The following DISC1 variants were observed in gnomAD, a reference collection of about 807,000 sequenced individuals.
DISC1 encodes DISC1 scaffold protein.
Under a neutral mutation model 84.5 loss-of-function variants are expected in DISC1, and 57 were observed. That is an observed-to-expected ratio of 0.67 (90% CI 0.55 to 0.84). DISC1 has a LOEUF of 0.84. Among genes scored for constraint, DISC1 ranks in the 40% least tolerant of loss-of-function variants. The probability of loss-of-function intolerance (pLI) is 0.00; values close to 1 mark genes in which losing one functional copy is unlikely to be tolerated. For synonymous variants in DISC1, 411 were observed against 415.2 expected (o/e 0.99, Z 0.12); for missense variants, 1,000 against 1,057.8 (o/e 0.95, Z 0.76).
Position 231,954,699 on chromosome 1 carries a change from A to C in DISC1, c.1982-4129A>C, listed in dbSNP as rs775364372. 1.3e-5 allele frequency among the ~76,000 whole-genome samples: 2 copies of C among 152,206 alleles called. No homozygotes were observed. Among genetic ancestry groups the C allele is most frequent in the Non-Finnish European group, 2.9e-5 (2 of 68,040 alleles). On this transcript the variant is annotated intron_variant, in intron 9 of 12. Transcript: ENST00000439617. The surrounding 1 kb of genome is among the most constrained non-coding windows in gnomAD (Gnocchi z 4.8). ...CTAAAATGGTAGGGAAGAAAGGAAGAGGAGGGGAGTAAGAAGAGAGGAAAA... is the reference window on the plus strand; with the variant it reads ...CTAAAATGGTAGGGAAGAAAGGAAGCGGAGGGGAGTAAGAAGAGAGGAAAA...
At position 231,802,942 on chromosome 1, in the gene DISC1, G is replaced by A. The variant is rs1284235115; in HGVS notation, c.1792+2732G>A. On this transcript the variant is annotated intron_variant, in intron 8 of 12. Coordinates refer to ENST00000439617, the MANE Select transcript of DISC1 (RefSeq NM_018662.3). ...TACCAAGTCCCAAAACCAATGCCTC[G>A]ATTTTAGGATTTTGTTACAATAGTA... is the stretch of plus-strand genomic sequence containing the variant. 4.6e-5 allele frequency among the ~76,000 whole-genome samples: 7 copies of A among 152,030 alleles called. No homozygotes were observed. The East Asian group carries it at 9.6e-4, about 21-fold the overall frequency.
intron 10 of DISC1, among the ~76,000 whole-genome samples, chr1:231,982,307 T>C (rs1165872424): frequency 6.6e-6 from 1 of 151,980 alleles, no homozygotes; most frequent in African/African-American, 2.4e-5. Flanking sequence ...GGGGATGATA[T>C]AGTGAATTCC....
intron 9 of DISC1, among the ~76,000 whole-genome samples, chr1:231,849,588 A>C (rs964840932): frequency 6.6e-6 from 1 of 151,868 alleles, no homozygotes; most frequent in African/African-American, 2.4e-5. Context: ...ATGTGTGTGT[A>C]TGTGTGCGTG....
At chr1:231,721,962 G>T (rs1286867980) in intron 3 of DISC1, among the ~76,000 whole-genome samples, 2 of 152,030 alleles carry the variant, frequency 1.3e-5, no homozygotes, top group Non-Finnish European at 2.9e-5. Flanking sequence ...GACCATCCTG[G>T]CTAACATGGT....
chr1:231,641,200 G>C (rs1005882302), intron 1 of DISC1, among the ~76,000 whole-genome samples: 1 of 152,222 alleles, frequency 6.6e-6, no homozygotes, highest in Non-Finnish European at 1.5e-5. Context: ...TGGGTTCTTG[G>C]TCTCACTGAC....
At chr1:231,998,486 T>G (rs1053936409) in intron 10 of DISC1, among the ~76,000 whole-genome samples, 8 of 152,126 alleles carry the variant, frequency 5.3e-5, no homozygotes, top group African/African-American at 1.9e-4. Flanking sequence ...AAAACAATGA[T>G]AGAGAGAACA....
intron 1 of DISC1, among the ~76,000 whole-genome samples, chr1:231,643,206 C>T (rs1572427573): frequency 6.6e-6 from 1 of 152,168 alleles, no homozygotes; most frequent in East Asian, 1.9e-4. Context: ...CCCTGGAACC[C>T]CGAAAGAGCC....
intron 1 of DISC1, among the ~76,000 whole-genome samples, chr1:231,673,756 G>A (rs116133168): frequency 1.8e-3 from 276 of 152,332 alleles, no homozygotes; most frequent in African/African-American, 6.2e-3. Context: ...CGACTGTGTC[G>A]TGTTTCTCTT....
In DISC1 at chr1:231,958,855, A is replaced by G. The variant is rs749146701; in HGVS notation, c.2009A>G (p.Lys670Arg). The change falls in exon 10 of 13, where the codon AAG (lysine) becomes AGG (arginine). Residue 670 changes from lysine to arginine, a missense_variant. Around this residue, in one of 3 missense-constraint regions of DISC1, gnomAD observed 397 missense variants for 377.5 expected, o/e 1.05. Transcript: ENST00000439617. ...ACAAGTGTGAAGGAAAATACTATGA[A>G]GTACATGGAAACACTTAAGAATAAA... Reference protein sequence around the residue: ...YETSVKENTMKYMETLKNKLC... With the variant: ...YETSVKENTMRYMETLKNKLC... The G allele has an allele frequency of 1.9e-6, 3 of 1,613,742 alleles. No individual in the cohort carries two copies. The Admixed American group carries it at 5.0e-5, about 27-fold the overall frequency.
chr1:232,033,894 C>T (rs1670280469), intron 12 of DISC1, among the ~76,000 whole-genome samples: 1 of 152,154 alleles, frequency 6.6e-6, no homozygotes, highest in Non-Finnish European at 1.5e-5. Flanking sequence ...ACTACTTTGT[C>T]CTCCTGAAGC....
intron 3 of DISC1, among the ~76,000 whole-genome samples, chr1:231,722,008 C>A (rs1380045643): frequency 6.6e-6 from 1 of 151,956 alleles, no homozygotes; most frequent in Admixed American, 6.6e-5. Flanking sequence ...AAAAAATTAG[C>A]CGGGTGTGGT....
intron 9 of DISC1, among the ~76,000 whole-genome samples, chr1:231,864,527 G>A (rs1301912803): frequency 6.6e-6 from 1 of 152,154 alleles, no homozygotes; most frequent in Non-Finnish European, 1.5e-5. Flanking sequence ...GCTGGGTGTG[G>A]TGGTGGGCGC....
At chr1:231,992,871 T>C (rs180821732) in intron 10 of DISC1, among the ~76,000 whole-genome samples, 1 of 152,326 alleles carries the variant, frequency 6.6e-6, no homozygotes, top group African/African-American at 2.4e-5. Flanking sequence ...GTTCTTATAG[T>C]GGATGACATC....
intron 3 of DISC1, among the ~76,000 whole-genome samples, chr1:231,746,653 C>G (rs2074016436): frequency 6.6e-6 from 1 of 152,102 alleles, no homozygotes. Flanking sequence ...AATAGCTATC[C>G]TAACTGGGGT....
chr1:231,724,084 T>C, intron 3 of DISC1: 2 of 932,044 alleles, frequency 2.1e-6, no homozygotes, highest in Non-Finnish European at 2.6e-6. Flanking sequence ...TAAATGGATA[T>C]TGTCACCTGC....
chr1:232,006,393 T>C (rs1667445409), intron 10 of DISC1, among the ~76,000 whole-genome samples: 1 of 151,842 alleles, frequency 6.6e-6, no homozygotes, highest in South Asian at 2.1e-4. Flanking sequence ...TGGTATCAGA[T>C]GGAGATGAGG....
chr1:231,942,979 G>A (rs983520723), intron 9 of DISC1, among the ~76,000 whole-genome samples: 3 of 152,236 alleles, frequency 2.0e-5, no homozygotes, highest in Non-Finnish European at 2.9e-5. Flanking sequence ...TAGCTAAGAA[G>A]GCTTGCCTTT....
intron 10 of DISC1, among the ~76,000 whole-genome samples, chr1:231,993,407 G>A (rs994216035): frequency 1.5e-4 from 22 of 151,484 alleles, no homozygotes; most frequent in Admixed American, 6.0e-4. Context: ...AATATTTGAA[G>A]GCAGAAAGGC....
At chr1:231,629,608 A>G (rs1473500277) in intron 1 of DISC1, 1 of 152,650 alleles carries the variant, frequency 6.6e-6, no homozygotes, top group Non-Finnish European at 1.5e-5. Flanking sequence ...TAATCTCACC[A>G]AGGTAGACAA....
Sources: gnomAD v4.1 joint callset for allele counts (sites outside exome capture counted in the v4.1 genomes callset) on GRCh38, gnomAD v4.1.1 for gene constraint, gnomAD v4.1.1 regional missense constraint, Gnocchi (gnomAD v3.1) non-coding constraint, MANE v1.5 for transcripts, NCBI Gene and HGNC (gene_info 2026-07-23, HGNC 2026-07-21) for gene names.